The following NEBL variants were observed in gnomAD, a reference collection of about 807,000 sequenced individuals.
The protein encoded by NEBL is LIM and SH3 protein 2.
NEBL carries 122 observed loss-of-function variants against 140.2 expected under a neutral mutation model. The ratio of observed to expected loss-of-function variants is 0.87; its 90% CI spans 0.75 to 1.01. NEBL has a LOEUF of 1.01. Ranked by LOEUF, NEBL falls within the 50% of genes least tolerant of loss-of-function variation. The pLI, the probability that NEBL is intolerant of heterozygous loss-of-function variation, is 0.00. For synonymous variants in NEBL, 436 were observed against 398.9 expected, an observed-to-expected ratio of 1.09 and a Z score of -1.11; for missense variants, 1,365 against 1,231.3, an observed-to-expected ratio of 1.11 and a Z score of -1.62.
intron 2 of NEBL, among the ~76,000 whole-genome samples, chr10:21,027,719 G>A (rs903161476): frequency 6.6e-6 from 1 of 152,120 alleles, no homozygotes; most frequent in Non-Finnish European, 1.5e-5. Flanking sequence ...TTAGGAGAGA[G>A]ACCAATCTCT....
chr10:21,257,897 C>A (rs940033341), intron 1 of NEBL, among the ~76,000 whole-genome samples: 102 of 145,362 alleles, frequency 7.0e-4, no homozygotes, highest in African/African-American at 2.5e-3. Flanking sequence ...ACACACACAC[C>A]CCAAAAAAAA....
intron 3 of NEBL, among the ~76,000 whole-genome samples, chr10:21,011,595 G>A (rs898135386): frequency 3.3e-5 from 5 of 152,196 alleles, no homozygotes; most frequent in African/African-American, 1.2e-4. Flanking sequence ...TTTGGCCTCA[G>A]TGGTGTCTCC....
At chr10:21,056,912 AAGCTCG>A (rs1187107458) in intron 2 of NEBL, among the ~76,000 whole-genome samples, 16 of 152,184 alleles carry the variant, frequency 1.1e-4, no homozygotes, top group African/African-American at 3.9e-4. Context: ...TCCCTTTCTT[AAGCTCG>A]GAGTCAAAGA....
At chr10:20,992,780 T>G in intron 3 of NEBL, among the ~76,000 whole-genome samples, 1 of 123,916 alleles carries the variant, frequency 8.1e-6, no homozygotes, top group Non-Finnish European at 1.7e-5. Context: ...TTTTTTTTTT[T>G]TTTTTTTTTT....
At chr10:21,047,315 A>G (rs1316756632) in intron 2 of NEBL, among the ~76,000 whole-genome samples, 4 of 152,216 alleles carry the variant, frequency 2.6e-5, no homozygotes, top group African/African-American at 7.2e-5. Context: ...CAATACTTGA[A>G]CAAGTCACAT....
chr10:21,120,393 C>CATATATATATATATATATAT (rs1201775144), intron 2 of NEBL, among the ~76,000 whole-genome samples: 51 of 59,496 alleles, frequency 8.6e-4, no homozygotes, highest in East Asian at 1.2e-3. Flanking sequence ...AAAAAAAATA[C>CATATATATATATATATATAT]ATATATATAT....
Position 20,845,122 on chromosome 10 carries a change from G to A in NEBL, c.1227+136C>T, listed in dbSNP as rs1371962338. Reference sequence around the variant, plus strand: ...CTAATGAAAATGCAACACTTTATTAGTGAAGATCAAAGTGAAAAAAAAGAG... The same window carrying A: ...CTAATGAAAATGCAACACTTTATTAATGAAGATCAAAGTGAAAAAAAAGAG... On this transcript the variant is annotated intron_variant, in intron 12 of 27. Coordinates refer to ENST00000377122, the MANE Select transcript of NEBL (RefSeq NM_006393.3). 4 of 605,170 alleles carry A rather than the reference G, an allele frequency of 6.6e-6. No homozygotes were observed. In the South Asian group the frequency reaches 8.5e-5, roughly 13 times the overall value. The allele number at this position is 605,170 out of a possible 1,614,324, so 37.5% of individuals were successfully genotyped here. A position where few individuals can be genotyped will look rare whatever the true frequency, so the allele number is the denominator to read the frequency against.
At chr10:21,237,022 T>C (rs1429017065) in intron 3 of NEBL, among the ~76,000 whole-genome samples, 3 of 152,212 alleles carry the variant, frequency 2.0e-5, no homozygotes, top group East Asian at 3.8e-4. Context: ...CCAGGCAGCC[T>C]GACACCTAAG....
At chr10:20,864,643 CT>C (rs1376116302) in intron 7 of NEBL, among the ~76,000 whole-genome samples, 1 of 152,158 alleles carries the variant, frequency 6.6e-6, no homozygotes, top group Non-Finnish European at 1.5e-5. Flanking sequence ...TCCCTGCATT[CT>C]ATCCATTCTC....
Position 20,819,563 on chromosome 10 carries a change from C to T in NEBL, c.1963-47G>A, listed in dbSNP as rs71578951. On this transcript the variant is annotated intron_variant, in intron 19 of 27. Transcript: ENST00000377122. ...AGTTTGAGATTATGGGAAATAAATA[C>T]GTCCCAAAACATTGCAACAGATTTT... is the stretch of plus-strand genomic sequence containing the variant. 9.8e-5 allele frequency: 158 copies of T among 1,606,882 alleles called. 1 individual carries two copies. The highest frequency in any genetic ancestry group is 5.0e-4 in the Middle Eastern group (3 of 6,038).
At chr10:20,889,629 A>G (rs1446363982) in intron 3 of NEBL, among the ~76,000 whole-genome samples, 2 of 152,170 alleles carry the variant, frequency 1.3e-5, no homozygotes, top group African/African-American at 4.8e-5. Flanking sequence ...CAAAATATAG[A>G]CATATATAAT....
chr10:20,813,712 G>T, intron 23 of NEBL: 1 of 529,006 alleles, frequency 1.9e-6, no homozygotes, highest in Non-Finnish European at 3.4e-6. Flanking sequence ...CAGTAGTCAC[G>T]TTAGAAATAA....
intron 4 of NEBL, among the ~76,000 whole-genome samples, chr10:20,958,914 G>A (rs912426873): frequency 3.7e-4 from 56 of 152,196 alleles, no homozygotes; most frequent in Non-Finnish European, 3.7e-4. Context: ...CATGCAGACT[G>A]AGTGGTCATT....
chr10:20,903,316 T>C (rs1241849205), intron 4 of NEBL, among the ~76,000 whole-genome samples: 1 of 152,136 alleles, frequency 6.6e-6, no homozygotes, highest in African/African-American at 2.4e-5. Context: ...CACAATAAGA[T>C]ACGGCCTTAC....
rs534919374 is a variant in NEBL at position 21,020,034 on chromosome 10, G to T, written c.249+83C>A. 45 of 1,220,948 alleles carry T rather than the reference G, an allele frequency of 3.7e-5. No individual in the cohort carries two copies. In the South Asian group the frequency reaches 4.9e-4, roughly 13 times the overall value. The allele number at this position is 1,220,948 out of a possible 1,614,324, so 75.6% of individuals were successfully genotyped here. ...ACCGGCTGGTGACCCAGCAGGAACA[G>T]TACGAAGACAAGAATCTCAGAAGAG... is the stretch of plus-strand genomic sequence containing the variant. On this transcript the variant is annotated intron_variant, in intron 3 of 6. Coordinates refer to the NEBL transcript ENST00000417816.
chr10:21,272,984 C>T (rs190522658), intron 1 of NEBL, among the ~76,000 whole-genome samples: 2 of 152,226 alleles, frequency 1.3e-5, no homozygotes, highest in East Asian at 3.9e-4. Context: ...CTTACTCTGC[C>T]ACCCCGCCCC....
chr10:20,848,023 C>G (rs568464648), intron 11 of NEBL, among the ~76,000 whole-genome samples: 4 of 152,238 alleles, frequency 2.6e-5, no homozygotes, highest in African/African-American at 9.6e-5. Context: ...AATGGGTTAA[C>G]CTTTCAGAAG....
chr10:20,848,494 T>C (rs997640532), intron 11 of NEBL, among the ~76,000 whole-genome samples: 2 of 152,170 alleles, frequency 1.3e-5, no homozygotes, highest in Admixed American at 1.3e-4. Context: ...ATATCAACCA[T>C]GGCCAGTTAG....
intron 2 of NEBL, among the ~76,000 whole-genome samples, chr10:21,054,486 C>A (rs2131860724): frequency 6.6e-6 from 1 of 152,296 alleles, no homozygotes; most frequent in East Asian, 1.9e-4. Context: ...GCCTCTCGGA[C>A]AGGCATCGGG....
Sources: allele counts gnomAD v4.1 joint callset (sites outside exome capture counted in the v4.1 genomes callset), GRCh38; gene constraint gnomAD v4.1.1; transcripts MANE v1.5; gene names NCBI Gene and HGNC (gene_info 2026-07-23, HGNC 2026-07-21).